Variants in NUP93 observed in about 807,000 individuals in gnomAD.
NUP93 encodes the protein nucleoporin 93.
Under a neutral mutation model 107.8 loss-of-function variants are expected in NUP93, and 55 were observed. The ratio of observed to expected loss-of-function variants is 0.51; its 90% CI spans 0.41 to 0.64. The LOEUF (loss-of-function observed/expected upper bound fraction) is 0.64. Ranked by LOEUF, NUP93 falls within the 30% of genes least tolerant of loss-of-function variation. The pLI, the probability that NUP93 is intolerant of heterozygous loss-of-function variation, is 0.00. For synonymous variants in NUP93, 390 were observed against 397.5 expected (o/e 0.98, Z 0.22); for missense variants, 937 against 1,044.7 (o/e 0.90, Z 1.42).
chr16:56,738,205 C>G (rs368225653), intron 1 of NUP93, among the ~76,000 whole-genome samples: 2 of 152,230 alleles, frequency 1.3e-5, no homozygotes, highest in East Asian at 3.8e-4. Flanking sequence ...GACGATCCAG[C>G]CCCAGGGTCA....
chr16:56,772,220 G>A (rs1596787161), intron 3 of NUP93, among the ~76,000 whole-genome samples: 4 of 152,230 alleles, frequency 2.6e-5, no homozygotes, highest in Non-Finnish European at 4.4e-5. Context: ...TGGTTGGGTA[G>A]AATTTTTTCT....
intron 4 of NUP93, among the ~76,000 whole-genome samples, chr16:56,803,403 T>C (rs1963063239): frequency 6.6e-6 from 1 of 152,106 alleles, no homozygotes; most frequent in African/African-American, 2.4e-5. Context: ...AGGCGGAGTT[T>C]GCAGTGAGCT....
At chr16:56,811,861 C>T (rs1454975701) in intron 5 of NUP93, among the ~76,000 whole-genome samples, 12 of 152,164 alleles carry the variant, frequency 7.9e-5, no homozygotes, top group Admixed American at 7.2e-4. Context: ...TGTACACAGT[C>T]AGCATATTCT....
chr16:56,792,540 T>C (rs1182284402), intron 3 of NUP93, among the ~76,000 whole-genome samples: 1 of 152,240 alleles, frequency 6.6e-6, no homozygotes, highest in Admixed American at 6.5e-5. Flanking sequence ...AACCGTTTTG[T>C]ACAGCTCACT....
At chr16:56,820,436 C>T (rs1363335971) in intron 6 of NUP93, among the ~76,000 whole-genome samples, 1 of 152,234 alleles carries the variant, frequency 6.6e-6, no homozygotes, top group Non-Finnish European at 1.5e-5. Context: ...CTGCCTCAGC[C>T]TCCCAAGTAG....
In NUP93 at chr16:56,758,601, G is replaced by A. The variant is rs748498172; in HGVS notation, c.243G>A (p.Leu81=). 1.2e-6 allele frequency: 2 copies of A among 1,613,918 alleles called. No homozygotes were observed. The highest frequency in any genetic ancestry group is 3.3e-5 in the Admixed American group (2 of 60,000). ...ACATCTCCCAGCGATTGGAGAGTCT[G>A]AGTGCAGCCACCACCTTTGAGCCTC... is the stretch of plus-strand genomic sequence containing the variant. ...ISHISQRLES[L]SAATTFEPLE... Residue 81 remains leucine, a synonymous_variant, in exon 3 of 22, where the codon CTG becomes CTA. Coordinates refer to ENST00000308159, the MANE Select transcript of NUP93 (RefSeq NM_014669.5).
At chr16:56,739,698 C>A (rs1353242516) in intron 1 of NUP93, among the ~76,000 whole-genome samples, 1 of 129,764 alleles carries the variant, frequency 7.7e-6, no homozygotes, top group African/African-American at 3.1e-5. Flanking sequence ...CCCTCCCGGA[C>A]GGGGCGGCTG....
chr16:56,826,709 T>A (rs1286614652), intron 8 of NUP93, among the ~76,000 whole-genome samples: 1 of 152,096 alleles, frequency 6.6e-6, no homozygotes, highest in Non-Finnish European at 1.5e-5. Flanking sequence ...TATTTCTTTT[T>A]TCCCCCCGTT....
In NUP93 at chr16:56,849,752, TACTAGCTGCCCAGAGACCTTC is replaced by T. The variant is rs1296932049; in HGVS notation, c.*5145_*5165del. 2.0e-5 allele frequency: 3 copies of T among 152,262 alleles called. No individual in the cohort carries two copies. Among genetic ancestry groups the T allele is most frequent in the African/African-American group, 7.2e-5 (3 of 41,474 alleles). The allele number at this position is 152,262 out of a possible 1,614,324, so 9.4% of individuals were successfully genotyped here. A position where few individuals can be genotyped will look rare whatever the true frequency, so the allele number is the denominator to read the frequency against. On this transcript the variant is annotated 3_prime_UTR_variant, in exon 22 of 22. Coordinates refer to ENST00000308159, the MANE Select transcript of NUP93 (RefSeq NM_014669.5). Reference sequence around the variant, plus strand: ...CCCTACCTGGGCTTGCCTCTGCTGGTACTAGCTGCCCAGAGACCTTCAGGCCTGCCACGGGCTGCCGGGAGC... The same window carrying T: ...CCCTACCTGGGCTTGCCTCTGCTGGTAGGCCTGCCACGGGCTGCCGGGAGC...
intron 3 of NUP93, among the ~76,000 whole-genome samples, chr16:56,792,575 T>C (rs1194895228): frequency 2.6e-5 from 4 of 152,234 alleles, no homozygotes; most frequent in East Asian, 1.9e-4. Flanking sequence ...CTATTAAGGA[T>C]ATACTTCAAA....
rs1473327151 is a variant in NUP93 at position 56,846,462 on chromosome 16, C to T, written c.*1853C>T. 4 of 152,098 alleles carry T rather than the reference C, an allele frequency of 2.6e-5. No individual in the cohort carries two copies. The highest frequency in any genetic ancestry group is 7.3e-5 in the African/African-American group (3 of 41,362). The allele number at this position is 152,098 out of a possible 1,614,324, so 9.4% of individuals were successfully genotyped here. ...CAGTGGCTCACGCCTGTAACCCCAG[C>T]ACTTTGGGAGGCCAAGGCAGGCAGT... On this transcript the variant is annotated 3_prime_UTR_variant, in exon 22 of 22. Coordinates refer to ENST00000308159, the MANE Select transcript of NUP93 (RefSeq NM_014669.5).
Position 56,838,930 on chromosome 16 carries a change from C to T in NUP93, c.2019-22C>T, listed in dbSNP as rs766728739. 16 of 1,531,166 alleles carry T rather than the reference C, an allele frequency of 1.0e-5. No individual in the cohort carries two copies. In the Middle Eastern group the frequency reaches 5.1e-4, roughly 48 times the overall value. 94.8% of individuals were successfully genotyped at this position (1,531,166 alleles called of 1,614,324 possible). A position where few individuals can be genotyped will look rare whatever the true frequency, so the allele number is the denominator to read the frequency against. ...AATTCCTGATACACTCTTACTACCCCCACCCCGTTTTTGTCTTTCAGGTAT... is the reference window on the plus strand; with the variant it reads ...AATTCCTGATACACTCTTACTACCCTCACCCCGTTTTTGTCTTTCAGGTAT... On this transcript the variant is annotated intron_variant, in intron 18 of 21. Transcript: ENST00000308159.
intron 3 of NUP93, among the ~76,000 whole-genome samples, chr16:56,780,525 C>T (rs1378236079): frequency 6.6e-6 from 1 of 152,076 alleles, no homozygotes; most frequent in Non-Finnish European, 1.5e-5. Context: ...ATGTCTGAAA[C>T]ATCTCAACTC....
At position 56,844,627 on chromosome 16, in the gene NUP93, A is replaced by G. The variant is rs1187696396; in HGVS notation, c.*18A>G. 6.4e-7 allele frequency: 1 copy of G among 1,558,446 alleles called. No homozygotes were observed. Among genetic ancestry groups the G allele is most frequent in the Non-Finnish European group, 8.7e-7 (1 of 1,143,550 alleles). On this transcript the variant is annotated 3_prime_UTR_variant, in exon 22 of 22. Coordinates refer to ENST00000308159, the MANE Select transcript of NUP93 (RefSeq NM_014669.5). ...TGAATTAAGTGCCATGCTTTGTGGG[A>G]GTCTGGGTCGGCACACTGTCAGTAC...
In NUP93 at chr16:56,825,061, AT is replaced by A. The variant is rs1166714389; in HGVS notation, c.794+1228del. ...TATACTATATAAAAACTTCCCAGGAATTTTTTTTTTTTTGTAAGACAGTCTG... is the reference window on the plus strand; with the variant it reads ...TATACTATATAAAAACTTCCCAGGAATTTTTTTTTTTTGTAAGACAGTCTG... On this transcript the variant is annotated intron_variant, in intron 8 of 21. Transcript: ENST00000308159. Among the ~76,000 whole-genome samples the A allele has an allele frequency of 2.8e-3, 407 of 145,446 alleles. 1 individual carries two copies. Among genetic ancestry groups the A allele is most frequent in the African/African-American group, 4.5e-3 (180 of 39,946 alleles).
chr16:56,830,246 G>A (rs534021140), intron 9 of NUP93, among the ~76,000 whole-genome samples: 16 of 152,284 alleles, frequency 1.1e-4, no homozygotes, highest in South Asian at 6.2e-4. Flanking sequence ...AAAAACCACA[G>A]GGTGGCTTTG....
intron 18 of NUP93, 137 bp from the exon 19 acceptor site, chr16:56,838,815 C>G (rs1000604710): frequency 5.9e-6 from 4 of 678,916 alleles, no homozygotes; most frequent in Non-Finnish European, 7.9e-6. Flanking sequence ...TCCTTCCGCC[C>G]CAGCCTCCCA....
chr16:56,771,575 A>G (rs1023780599), intron 3 of NUP93, among the ~76,000 whole-genome samples: 1 of 152,132 alleles, frequency 6.6e-6, no homozygotes, highest in Non-Finnish European at 1.5e-5. Flanking sequence ...TGACATTTCC[A>G]TTTATTCCCT....
chr16:56,763,141 C>G lies in NUP93; in HGVS notation c.297+4486C>G, dbSNP rs536750457. 7.2e-5 allele frequency among the ~76,000 whole-genome samples: 11 copies of G among 152,266 alleles called. No homozygotes were observed. The South Asian group carries it at 1.9e-3, about 26-fold the overall frequency. On this transcript the variant is annotated intron_variant, in intron 3 of 21. Coordinates refer to ENST00000308159, the MANE Select transcript of NUP93 (RefSeq NM_014669.5). ...ACTGTTACTGTAAAGAATGAAACAT[C>G]TTCAAATCTAACTCCATTTCATATC... is the stretch of plus-strand genomic sequence containing the variant.
Sources: gnomAD v4.1 joint callset for allele counts (sites outside exome capture counted in the v4.1 genomes callset) on GRCh38, gnomAD v4.1.1 for gene constraint, MANE v1.5 for transcripts, NCBI Gene and HGNC (gene_info 2026-07-23, HGNC 2026-07-21) for gene names.